DROSHA: variants seen among roughly 807,000 people sequenced by gnomAD.
DROSHA encodes ribonuclease 3.
Under a neutral mutation model 181.9 loss-of-function variants are expected in DROSHA, and 56 were observed. The observed-to-expected ratio is 0.31, with a 90% confidence interval of 0.25 to 0.38. The LOEUF is 0.38. Among genes scored for constraint, DROSHA ranks in the 10% least tolerant of loss-of-function variants. The pLI, the probability that DROSHA is intolerant of heterozygous loss-of-function variation, is 1.00. For synonymous variants in DROSHA, 524 were observed against 591.2 expected (o/e 0.89, Z 1.65); for missense variants, 1,218 against 1,743.5 (o/e 0.70, Z 5.37).
chr5:31,525,767 A>G (rs1740469836), intron 5 of DROSHA, among the ~76,000 whole-genome samples: 1 of 152,202 alleles, frequency 6.6e-6, no homozygotes, highest in African/African-American at 2.4e-5. Flanking sequence ...GATAACACAA[A>G]AAATACAAGA....
chr5:31,501,763 G>C (rs1441806391), intron 11 of DROSHA, among the ~76,000 whole-genome samples: 1 of 152,188 alleles, frequency 6.6e-6, no homozygotes, highest in Non-Finnish European at 1.5e-5. Flanking sequence ...TCAGAAATGA[G>C]GATCAGAATG....
At position 31,448,023 on chromosome 5, in the gene DROSHA, A is replaced by T. The variant is rs145942829; in HGVS notation, c.2882+524T>A. Reference sequence around the variant, plus strand: ...CTAAGTATATACCCAAGCAAAATCAAAATATATGTCCAAACAAAATCTGTA... The same window carrying T: ...CTAAGTATATACCCAAGCAAAATCATAATATATGTCCAAACAAAATCTGTA... On this transcript the variant is annotated intron_variant, in intron 23 of 35. Transcript: ENST00000344624. Among the ~76,000 whole-genome samples, 1,202 of 152,358 alleles carry T rather than the reference A, an allele frequency of 7.9e-3. 15 individuals are homozygous for T. The highest frequency in any genetic ancestry group is 0.028 in the African/African-American group (1,148 of 41,592).
intron 23 of DROSHA, among the ~76,000 whole-genome samples, chr5:31,448,300 C>G (rs1313161887): frequency 6.6e-6 from 1 of 152,050 alleles, no homozygotes; most frequent in Admixed American, 6.5e-5. Flanking sequence ...AGAGACAAAT[C>G]CATAGAGGTT....
intron 17 of DROSHA, among the ~76,000 whole-genome samples, chr5:31,471,397 A>T (rs1749704410): frequency 2.0e-5 from 3 of 152,148 alleles, no homozygotes; most frequent in African/African-American, 4.8e-5. Context: ...TAGAAGAAAA[A>T]AATTGATATA....
chr5:31,480,204 A>ATATATATATATATATATAT (rs1750877468), intron 16 of DROSHA, among the ~76,000 whole-genome samples: 1 of 134,866 alleles, frequency 7.4e-6, no homozygotes, highest in Non-Finnish European at 1.6e-5. Context: ...ATATATATAT[A>ATATATATATATATATATAT]CTGAAAATAC....
intron 20 of DROSHA, among the ~76,000 whole-genome samples, chr5:31,460,022 T>G (rs772265866): frequency 6.6e-6 from 1 of 152,222 alleles, no homozygotes; most frequent in Non-Finnish European, 1.5e-5. Flanking sequence ...TTGATTTCCA[T>G]GGACCACCTT....
chr5:31,434,673 A>C (rs767370575), intron 25 of DROSHA, among the ~76,000 whole-genome samples: 2 of 152,250 alleles, frequency 1.3e-5, no homozygotes, highest in Non-Finnish European at 2.9e-5. Flanking sequence ...CCAGTCATAA[A>C]GCTAGGATGG....
chr5:31,431,445 TGTC>T (rs1278643727), intron 26 of DROSHA, 128 bp downstream of exon 26: 1 of 672,352 alleles, frequency 1.5e-6, no homozygotes, highest in African/African-American at 1.9e-5. Context: ...AGGTGGTAGG[TGTC>T]GTCCTAGGAA....
chr5:31,439,014 C>T (rs985408320), intron 23 of DROSHA, among the ~76,000 whole-genome samples: 12 of 152,078 alleles, frequency 7.9e-5, no homozygotes, highest in Admixed American at 5.2e-4. Context: ...TGAGAACAGA[C>T]CACTAATTCA....
rs1748759583 is a variant in DROSHA, at chr5:31,464,261, G to C, written c.2549C>G (p.Thr850Ser). 1 of 1,613,428 alleles carries C rather than the reference G, an allele frequency of 6.2e-7. No homozygotes were observed. Among genetic ancestry groups the C allele is most frequent in the African/African-American group, 1.3e-5 (1 of 74,938 alleles). Residue 850 changes from threonine (T) to serine (S), a missense_variant, in exon 20 of 36, where the codon ACT (threonine) becomes AGT (serine). Physicochemically the swap from Thr to Ser is moderately conservative, Grantham distance 58. Around this residue, in one of 8 missense-constraint regions of DROSHA, gnomAD observed 460 missense variants for 774.2 expected, o/e 0.59. Coordinates refer to ENST00000344624, the MANE Select transcript of DROSHA (RefSeq NM_001382508.1). The stretch of plus-strand genomic sequence containing the variant: ...CTGACAGACATCAGAACGGATGCCA[G>C]TTTTCCAGAATCCTTGGCTACTTAG... ...VELSSQGFWK[T>S]GIRSDVCQHA...
At position 31,422,766 on chromosome 5, in the gene DROSHA, A is replaced by G. The variant is rs372783137; in HGVS notation, c.3419+21T>C. Reference sequence around the variant, plus strand: ...TCATCTAAATGGTCACATTGGGACTACATGAGAACTTTTAACTCACAGGGT... The same window carrying G: ...TCATCTAAATGGTCACATTGGGACTGCATGAGAACTTTTAACTCACAGGGT... On this transcript the variant is annotated intron_variant, in intron 29 of 35. Transcript: ENST00000344624. 2.9e-4 allele frequency: 462 copies of G among 1,613,430 alleles called. 2 individuals are homozygous for G. In the Middle Eastern group the frequency reaches 9.3e-3, roughly 32 times the overall value.
At chr5:31,438,437 A>G (rs1397616993) in intron 23 of DROSHA, among the ~76,000 whole-genome samples, 3 of 152,194 alleles carry the variant, frequency 2.0e-5, no homozygotes, top group African/African-American at 7.2e-5. Flanking sequence ...ACAGCTGAAA[A>G]TAAGTATTGA....
At chr5:31,440,104 C>A (rs1745389687) in intron 23 of DROSHA, among the ~76,000 whole-genome samples, 1 of 152,118 alleles carries the variant, frequency 6.6e-6, no homozygotes, top group African/African-American at 2.4e-5. Flanking sequence ...GTTGATCAAC[C>A]TGCACAACTG....
chr5:31,432,903 T>G (rs748306478), intron 25 of DROSHA, among the ~76,000 whole-genome samples: 6 of 152,236 alleles, frequency 3.9e-5, no homozygotes, highest in Non-Finnish European at 8.8e-5. Context: ...AGAATATTTT[T>G]TATGCAACTC....
At chr5:31,403,205 TAAAC>T (rs996281294) in intron 35 of DROSHA, among the ~76,000 whole-genome samples, 4 of 152,306 alleles carry the variant, frequency 2.6e-5, no homozygotes, top group Admixed American at 2.0e-4. Flanking sequence ...TTTTCAAAAA[TAAAC>T]AAACCCCACT....
intron 26 of DROSHA, 127 bp downstream of exon 26, chr5:31,431,449 G>T: frequency 1.3e-6 from 1 of 766,048 alleles, no homozygotes; most frequent in Non-Finnish European, 2.1e-6. Context: ...GGTAGGTGTC[G>T]TCCTAGGAAC....
Position 31,406,945 on chromosome 5 carries a change from C to A in DROSHA, c.3855G>T (p.Lys1285Asn). The A allele has an allele frequency of 6.2e-7, 1 of 1,612,748 alleles. No individual in the cohort carries two copies. Among genetic ancestry groups the A allele is most frequent in the East Asian group, 2.2e-5 (1 of 44,832 alleles). The change falls in exon 34 of 36, where the codon AAG (lysine) becomes AAT (asparagine). Residue 1285 changes from lysine (K) to asparagine (N), a missense_variant and splice_region_variant. This residue lies in a region of DROSHA where 48 missense variants were observed against 124.9 expected (regional missense o/e 0.38). Transcript: ENST00000344624. The part of the protein sequence containing the change: ...EGKEPDIPLY[K>N]TLQTVGPSHA... ...GGGATGGGCCCACTGTCTGCAGAGTCCTGAAAGGGAAAGGAAAGAACATTT... is the reference window on the plus strand; with the variant it reads ...GGGATGGGCCCACTGTCTGCAGAGTACTGAAAGGGAAAGGAAAGAACATTT...
intron 16 of DROSHA, among the ~76,000 whole-genome samples, chr5:31,475,298 A>G (rs1372615290): frequency 3.3e-5 from 5 of 152,212 alleles, no homozygotes; most frequent in Non-Finnish European, 7.3e-5. Context: ...AACCTGGAGA[A>G]CAAAGTAAGA....
At chr5:31,439,433 A>T (rs1466682085) in intron 23 of DROSHA, among the ~76,000 whole-genome samples, 1 of 152,192 alleles carries the variant, frequency 6.6e-6, no homozygotes, top group Non-Finnish European at 1.5e-5. Context: ...TAATGGTCGC[A>T]AAGCACAAGA....
Sources: gnomAD v4.1 joint callset for allele counts (sites outside exome capture counted in the v4.1 genomes callset) on GRCh38, gnomAD v4.1.1 for gene constraint, gnomAD v4.1.1 regional missense constraint, MANE v1.5 for transcripts, NCBI Gene and HGNC (gene_info 2026-07-23, HGNC 2026-07-21) for gene names.